CD36: variants seen among roughly 807,000 people sequenced by gnomAD.
CD36 encodes the protein platelet glycoprotein 4.
Under a neutral mutation model 55.2 loss-of-function variants are expected in CD36, and 119 were observed. That is an observed-to-expected ratio of 2.15 (90% CI 1.86 to 2.51). The LOEUF (loss-of-function observed/expected upper bound fraction) is 2.51. Among genes scored for constraint, CD36 ranks in the 30% most tolerant of loss-of-function variants. The probability of loss-of-function intolerance (pLI) is 0.00; values close to 1 mark genes in which losing one functional copy is unlikely to be tolerated. For missense variants in CD36, 819 were observed against 555.5 expected (o/e 1.47, Z -4.77); for synonymous variants, 186 against 193.6 (o/e 0.96, Z 0.33).
intron 13 of CD36, 111 bp downstream of exon 13, chr7:80,673,520 C>G: frequency 6.7e-6 from 5 of 751,388 alleles, no homozygotes; most frequent in Non-Finnish European, 9.8e-6. Context: ...TTTCCATTAC[C>G]CATATGGATG....
chr7:80,632,070 G>A (rs534082208), intron 1 of CD36, among the ~76,000 whole-genome samples: 2 of 151,704 alleles, frequency 1.3e-5, no homozygotes, highest in Admixed American at 6.6e-5. Context: ...AAGCTTGTCC[G>A]AGAGCAAAAC....
At chr7:80,641,233 T>A (rs1474132874) in intron 1 of CD36, among the ~76,000 whole-genome samples, 1 of 152,128 alleles carries the variant, frequency 6.6e-6, no homozygotes, top group Non-Finnish European at 1.5e-5. Flanking sequence ...AATGACCTTA[T>A]GTTGATGAAA....
intron 5 of CD36, among the ~76,000 whole-genome samples, chr7:80,661,632 CCAGA>C (rs1227574520): frequency 2.0e-5 from 3 of 152,100 alleles, no homozygotes; most frequent in African/African-American, 7.2e-5. Context: ...TCCGAGCTTT[CCAGA>C]CAGTGTACCA....
Position 80,658,216 on chromosome 7 carries a change from A to G in CD36, c.281+1516A>G, listed in dbSNP as rs550389023. ...ATGGTCTTAAAGTTTTTATATTATT[A>G]GCAAGAGTCTATACAAGTATCTTGT... On this transcript the variant is annotated intron_variant, in intron 4 of 14. Transcript: ENST00000447544. Among the ~76,000 whole-genome samples, 7 of 152,338 alleles carry G rather than the reference A, an allele frequency of 4.6e-5. No homozygotes were observed. The South Asian group carries it at 1.4e-3, about 32-fold the overall frequency.
At chr7:80,624,105 G>A (rs1203347537) in intron 1 of CD36, 2 of 152,136 alleles carry the variant, frequency 1.3e-5, no homozygotes, top group African/African-American at 4.8e-5. Context: ...CAGAGTCTTC[G>A]GTGTTAATTC....
chr7:80,675,935 C>T (rs1166988434), intron 14 of CD36, among the ~76,000 whole-genome samples: 2 of 147,432 alleles, frequency 1.4e-5, no homozygotes, highest in Non-Finnish European at 3.0e-5. Context: ...CTTCAGCTAC[C>T]GTTCCTTGCC....
In CD36 at chr7:80,678,834, T is replaced by C. The variant is rs978811594; in HGVS notation, c.*2451T>C. ...ACTCCAGCCTGGTGACAGAGCGAGA[T>C]TCCATCTCAAAAAAAAAAAACAGTA... On this transcript the variant is annotated 3_prime_UTR_variant, in exon 15 of 15. Coordinates refer to ENST00000447544, the MANE Select transcript of CD36 (RefSeq NM_001001548.3). The C allele has an allele frequency of 7.3e-5, 10 of 136,706 alleles. No homozygotes were observed. Among genetic ancestry groups the C allele is most frequent in the African/African-American group, 2.6e-4 (10 of 38,514 alleles). 8.5% of individuals were successfully genotyped at this position (136,706 alleles called of 1,614,324 possible).
chr7:80,665,021 G>A (rs1484879931), intron 7 of CD36, among the ~76,000 whole-genome samples: 3 of 151,902 alleles, frequency 2.0e-5, no homozygotes, highest in Non-Finnish European at 2.9e-5. Flanking sequence ...CCTTCCCCCT[G>A]CAAATAGTCT....
At chr7:80,655,186 G>A (rs1795955648) in intron 3 of CD36, among the ~76,000 whole-genome samples, 1 of 152,104 alleles carries the variant, frequency 6.6e-6, no homozygotes, top group African/African-American at 2.4e-5. Flanking sequence ...TCTTCCTGTA[G>A]CACACTCAGG....
At chr7:80,621,361 A>T (rs1225898596) in intron 1 of CD36, among the ~76,000 whole-genome samples, 1 of 152,180 alleles carries the variant, frequency 6.6e-6, no homozygotes, top group African/African-American at 2.4e-5. Context: ...GGGCATGTTT[A>T]CATTTATCTA....
intron 1 of CD36, among the ~76,000 whole-genome samples, chr7:80,630,988 A>T (rs1386526388): frequency 2.0e-5 from 3 of 152,046 alleles, no homozygotes; most frequent in East Asian, 3.9e-4. Flanking sequence ...AGAATAGAAC[A>T]GTTTGCATAC....
chr7:80,610,012 T>C (rs544362329), intron 1 of CD36, among the ~76,000 whole-genome samples: 2 of 152,218 alleles, frequency 1.3e-5, no homozygotes, highest in African/African-American at 4.8e-5. Flanking sequence ...GTGGGTCTGA[T>C]CTAGGTTTAA....
chr7:80,628,428 T>C (rs1321629091), intron 1 of CD36, among the ~76,000 whole-genome samples: 5 of 152,014 alleles, frequency 3.3e-5, no homozygotes. Context: ...TATAAATGAG[T>C]AAAATACAGT....
At chr7:80,609,345 C>T (rs574690745) in intron 1 of CD36, among the ~76,000 whole-genome samples, 40 of 152,258 alleles carry the variant, frequency 2.6e-4, no homozygotes, top group African/African-American at 9.4e-4. Flanking sequence ...TTGTGATCCA[C>T]TATACCCTCT....
At chr7:80,607,108 T>A (rs1382879532) in intron 1 of CD36, among the ~76,000 whole-genome samples, 1 of 152,158 alleles carries the variant, frequency 6.6e-6, no homozygotes, top group Non-Finnish European at 1.5e-5. Flanking sequence ...TCCCATTATC[T>A]TCTCCACTCC....
At chr7:80,615,397 A>G (rs1047471132) in intron 1 of CD36, among the ~76,000 whole-genome samples, 1 of 152,102 alleles carries the variant, frequency 6.6e-6, no homozygotes, top group South Asian at 2.1e-4. Context: ...CACTTTTTGC[A>G]ACTTCCCTGA....
intron 5 of CD36, among the ~76,000 whole-genome samples, 160 bp downstream of exon 5, chr7:80,661,370 G>A (rs1214532699): frequency 1.3e-5 from 2 of 152,104 alleles, no homozygotes; most frequent in East Asian, 3.9e-4. Flanking sequence ...TTTGGAAAGT[G>A]ACAAAATCAT....
chr7:80,648,717 G>T (rs930954887), intron 3 of CD36, among the ~76,000 whole-genome samples: 6 of 152,018 alleles, frequency 3.9e-5, no homozygotes, highest in African/African-American at 1.4e-4. Flanking sequence ...AGTAAATGCT[G>T]TAATACTTTG....
At chr7:80,656,447 T>G in intron 3 of CD36, 93 bp from the exon 4 acceptor site, 2 of 1,176,836 alleles carry the variant, frequency 1.7e-6, no homozygotes, top group South Asian at 2.6e-5. Context: ...GCTTGGTCCT[T>G]TTATTCTGGC....
Sources: allele counts gnomAD v4.1 joint callset (sites outside exome capture counted in the v4.1 genomes callset), GRCh38; gene constraint gnomAD v4.1.1; transcripts MANE v1.5; gene names NCBI Gene and HGNC (gene_info 2026-07-23, HGNC 2026-07-21).